SASS6: variants seen among roughly 807,000 people sequenced by gnomAD.
SASS6 encodes spindle assembly abnormal protein 6 homolog.
Under a neutral mutation model 94.9 loss-of-function variants are expected in SASS6, and 59 were observed. The observed-to-expected ratio is 0.62, with a 90% confidence interval of 0.50 to 0.77. The LOEUF is 0.77. Among genes scored for constraint, SASS6 ranks in the 30% least tolerant of loss-of-function variants. The probability of loss-of-function intolerance (pLI) is 0.00; values close to 1 mark genes in which losing one functional copy is unlikely to be tolerated. For synonymous variants in SASS6, 264 were observed against 270.0 expected (o/e 0.98, Z 0.22); for missense variants, 698 against 734.1 (o/e 0.95, Z 0.57).
intron 7 of SASS6, among the ~76,000 whole-genome samples, chr1:100,111,783 T>C (rs1327451497): frequency 6.6e-6 from 1 of 152,046 alleles, no homozygotes; most frequent in Non-Finnish European, 1.5e-5. Flanking sequence ...AAGCAGTCCA[T>C]ATAAAATTGA....
intron 7 of SASS6, among the ~76,000 whole-genome samples, chr1:100,113,141 A>T (rs1653483221): frequency 6.6e-6 from 1 of 152,244 alleles, no homozygotes; most frequent in Non-Finnish European, 1.5e-5. Context: ...AGGGAGGAAT[A>T]GAGTGAGGTA....
chr1:100,099,439 A>C (rs1652311696), intron 14 of SASS6: 1 of 153,296 alleles, frequency 6.5e-6, no homozygotes, highest in Admixed American at 6.5e-5. Flanking sequence ...CAACAGGTCC[A>C]CATTGGCCAA....
chr1:100,102,247 T>G lies in SASS6; in HGVS notation c.1674+708A>C, dbSNP rs1023714374. ...GCTGTCAGAACTAAATTTTAGAATT[T>G]GATTTAAGCCTGCCCTACCAGACCT... On this transcript the variant is annotated intron_variant, in intron 14 of 16. Transcript: ENST00000287482. Among the ~76,000 whole-genome samples the G allele has an allele frequency of 3.9e-5, 6 of 152,170 alleles. No individual in the cohort carries two copies. The East Asian group carries it at 7.7e-4, about 20-fold the overall frequency.
At chr1:100,124,721 A>G (rs1432519881) in intron 2 of SASS6, among the ~76,000 whole-genome samples, 1 of 152,100 alleles carries the variant, frequency 6.6e-6, no homozygotes, top group Non-Finnish European at 1.5e-5. Context: ...AGTGGCCCCC[A>G]ACCTTTTTGG....
At chr1:100,131,025 T>C (rs1654965461) in intron 1 of SASS6, among the ~76,000 whole-genome samples, 1 of 152,228 alleles carries the variant, frequency 6.6e-6, no homozygotes. Flanking sequence ...TTAGATTAAC[T>C]GTGATGGCAA....
rs772206454 is a variant in SASS6, at chr1:100,121,498, T to C, written c.363A>G (p.Ala121=). The part of the protein sequence containing the change: ...SPAAILDNSP[A]FLNVVETNPF... ...GATTTGTCTCTACCACATTTAAAAA[T>C]GCAGGTGAGTTATCCAAAATAGCTG... is the stretch of plus-strand genomic sequence containing the variant. The change falls in exon 5 of 17, where the codon GCA becomes GCG. Residue 121 remains alanine, a synonymous_variant. Transcript: ENST00000287482. 3.1e-6 allele frequency: 5 copies of C among 1,599,464 alleles called. No homozygotes were observed. Among genetic ancestry groups the C allele is most frequent in the Non-Finnish European group, 3.4e-6 (4 of 1,171,166 alleles).
intron 14 of SASS6, among the ~76,000 whole-genome samples, chr1:100,098,201 C>T (rs1384638115): frequency 6.6e-6 from 1 of 151,908 alleles, no homozygotes; most frequent in Non-Finnish European, 1.5e-5. Context: ...GGCAAACTAG[C>T]GTCCAGAATA....
At chr1:100,124,924 G>T (rs961251769) in intron 2 of SASS6, among the ~76,000 whole-genome samples, 2 of 152,110 alleles carry the variant, frequency 1.3e-5, no homozygotes, top group African/African-American at 4.8e-5. Flanking sequence ...GATCTGACAG[G>T]AGGTGGATCG....
intron 7 of SASS6, among the ~76,000 whole-genome samples, chr1:100,115,395 G>C (rs1301321485): frequency 8.0e-6 from 1 of 124,738 alleles, no homozygotes; most frequent in East Asian, 2.5e-4. Context: ...GGGAGAGAGA[G>C]AGAGAGTAAA....
chr1:100,091,747 A>G (rs1234937870), intron 14 of SASS6, among the ~76,000 whole-genome samples: 2 of 151,818 alleles, frequency 1.3e-5, no homozygotes, highest in African/African-American at 4.8e-5. Context: ...AAGGCGGATC[A>G]ATAGAAATAA....
At chr1:100,126,619 A>C (rs1486460150) in intron 1 of SASS6, among the ~76,000 whole-genome samples, 1 of 152,128 alleles carries the variant, frequency 6.6e-6, no homozygotes. Flanking sequence ...TCTACAAAAA[A>C]TACAAAAACA....
At chr1:100,106,600 G>A (rs72973324) in intron 12 of SASS6, among the ~76,000 whole-genome samples, 5,020 of 152,088 alleles carry the variant, frequency 0.033, 302 homozygotes, top group African/African-American at 0.11. Flanking sequence ...AAACCTAAAC[G>A]CAGCAATCTG....
In SASS6 at chr1:100,110,279, C is replaced by A. The variant is rs200181335; in HGVS notation, c.861+13G>T. Reference sequence around the variant, plus strand: ...TCTTAAATTGGGGGAGGAAAAAAAACAACATTCAATACCTCTTCAACACCA... The same window carrying A: ...TCTTAAATTGGGGGAGGAAAAAAAAAAACATTCAATACCTCTTCAACACCA... On this transcript the variant is annotated intron_variant, in intron 8 of 16. Coordinates refer to ENST00000287482, the MANE Select transcript of SASS6 (RefSeq NM_194292.3). 2.0e-6 allele frequency: 3 copies of A among 1,480,176 alleles called. No individual in the cohort carries two copies. The South Asian group carries it at 4.0e-5, about 20-fold the overall frequency. 91.7% of individuals were successfully genotyped at this position (1,480,176 alleles called of 1,614,324 possible).
intron 14 of SASS6, among the ~76,000 whole-genome samples, chr1:100,093,205 CCT>C (rs1651877472): frequency 8.8e-6 from 1 of 113,882 alleles, no homozygotes; most frequent in African/African-American, 3.4e-5. Context: ...TTTTGTGAGA[CCT>C]CTCACTCTAT....
Position 100,107,881 on chromosome 1 carries a change from G to A in SASS6, c.985C>T (p.Gln329Ter), listed in dbSNP as rs1653023857. The change falls in exon 9 of 17, where the codon CAG becomes TAG. Residue 329 changes from glutamine (Q) to a stop codon, truncating the protein, a stop_gained. Coordinates refer to ENST00000287482, the MANE Select transcript of SASS6 (RefSeq NM_194292.3). LOFTEE classifies it high-confidence loss of function. Reference sequence around the variant, plus strand: ...AGCTGGTCCTTATCCTTGATTTCCTGTTCTAAAACTGCCACTTTTGTTTGT... The same window carrying A: ...AGCTGGTCCTTATCCTTGATTTCCTATTCTAAAACTGCCACTTTTGTTTGT... ...QLQTKVAVLE[Q>*]EIKDKDQLVL... 1 of 1,612,554 alleles carries A rather than the reference G, an allele frequency of 6.2e-7. No homozygotes were observed. The highest frequency in any genetic ancestry group is 8.5e-7 in the Non-Finnish European group (1 of 1,178,848).
At chr1:100,105,714 C>T in intron 13 of SASS6, 53 bp downstream of exon 13, 1 of 1,558,162 alleles carries the variant, frequency 6.4e-7, no homozygotes, top group South Asian at 1.1e-5. Flanking sequence ...TCTGGAAATA[C>T]TTTTGTTTCA....
At chr1:100,105,063 TTTC>T (rs1246171276) in intron 13 of SASS6, among the ~76,000 whole-genome samples, 2 of 152,192 alleles carry the variant, frequency 1.3e-5, no homozygotes, top group African/African-American at 2.4e-5. Flanking sequence ...TCTTTTTTAC[TTTC>T]TTTTCTTTTT....
At chr1:100,085,866 T>TG (rs1318233448) in intron 15 of SASS6, among the ~76,000 whole-genome samples, 22 of 152,150 alleles carry the variant, frequency 1.4e-4, no homozygotes. Flanking sequence ...ATAAGGATGG[T>TG]GGGAAAAATG....
chr1:100,115,532 T>C (rs959629784), intron 7 of SASS6, among the ~76,000 whole-genome samples: 1 of 152,164 alleles, frequency 6.6e-6, no homozygotes, highest in Non-Finnish European at 1.5e-5. Flanking sequence ...AAATTTAGTA[T>C]GTGATAAAGG....
Sources: allele counts gnomAD v4.1 joint callset (sites outside exome capture counted in the v4.1 genomes callset), GRCh38; gene constraint gnomAD v4.1.1; transcripts MANE v1.5; gene names NCBI Gene and HGNC (gene_info 2026-07-23, HGNC 2026-07-21).